CACNA2D3: variants seen among roughly 807,000 people sequenced by gnomAD.
CACNA2D3 encodes voltage-dependent calcium channel subunit alpha-2/delta-3.
A neutral mutation model predicts 160.6 loss-of-function variants in CACNA2D3; 60 were observed. The ratio of observed to expected loss-of-function variants is 0.37; its 90% CI spans 0.30 to 0.46. The LOEUF (loss-of-function observed/expected upper bound fraction) is 0.46, where lower values mean the gene tolerates loss of function less well. Ranked by LOEUF, CACNA2D3 falls within the 20% of genes least tolerant of loss-of-function variation. The probability of loss-of-function intolerance (pLI) is 1.00; values close to 1 mark genes in which losing one functional copy is unlikely to be tolerated. For synonymous variants in CACNA2D3, 558 were observed against 492.9 expected (o/e 1.13, Z -1.75); for missense variants, 1,205 against 1,365.0 (o/e 0.88, Z 1.85).
intron 34 of CACNA2D3, among the ~76,000 whole-genome samples, chr3:55,017,631 C>A (rs1703354275): frequency 6.6e-6 from 1 of 152,144 alleles, no homozygotes; most frequent in Admixed American, 6.5e-5. Context: ...AACTGCCAAG[C>A]CTCTACCGAG....
At chr3:54,820,545 C>G (rs1703568122) in intron 14 of CACNA2D3, among the ~76,000 whole-genome samples, 1 of 152,106 alleles carries the variant, frequency 6.6e-6, no homozygotes, top group Non-Finnish European at 1.5e-5. Flanking sequence ...TGGTGATGAA[C>G]CTGATAAATA....
rs572830179 is a variant in CACNA2D3 at position 54,321,275 on chromosome 3, G to A, written c.321+717G>A. 1.4e-4 allele frequency among the ~76,000 whole-genome samples: 22 copies of A among 151,726 alleles called. No homozygotes were observed. In the South Asian group the frequency reaches 4.0e-3, roughly 27 times the overall value. Reference sequence around the variant, plus strand: ...GCAGAGGTTGCAGTGAGCCAAGATCGCGCCACTGCACTCCAGCCTGGGTGA... The same window carrying A: ...GCAGAGGTTGCAGTGAGCCAAGATCACGCCACTGCACTCCAGCCTGGGTGA... On this transcript the variant is annotated intron_variant, in intron 3 of 37. Coordinates refer to ENST00000474759, the MANE Select transcript of CACNA2D3 (RefSeq NM_018398.3).
At chr3:54,127,814 G>A (rs1355331449) in intron 2 of CACNA2D3, among the ~76,000 whole-genome samples, 3 of 152,158 alleles carry the variant, frequency 2.0e-5, no homozygotes, top group Non-Finnish European at 4.4e-5. Flanking sequence ...AAACCAATGA[G>A]CATTCAGTTT....
At chr3:54,157,835 C>CCAAAAA (rs749735814) in intron 2 of CACNA2D3, among the ~76,000 whole-genome samples, 5 of 134,358 alleles carry the variant, frequency 3.7e-5, no homozygotes, top group East Asian at 2.2e-4. Flanking sequence ...CCCAACCAAA[C>CCAAAAA]AAAAAAAAAA....
chr3:54,637,872 G>A (rs1699413447), intron 10 of CACNA2D3: 1 of 152,028 alleles, frequency 6.6e-6, no homozygotes, highest in Admixed American at 6.5e-5. Flanking sequence ...ACACAGATGG[G>A]ACGCGGCTTA....
intron 35 of CACNA2D3, among the ~76,000 whole-genome samples, chr3:55,062,052 CTA>C (rs1704523408): frequency 6.6e-6 from 1 of 152,176 alleles, no homozygotes; most frequent in Admixed American, 6.5e-5. Flanking sequence ...CAACCTTGTA[CTA>C]TATTCTATGA....
intron 11 of CACNA2D3, among the ~76,000 whole-genome samples, chr3:54,690,645 C>G (rs1700554335): frequency 6.6e-6 from 1 of 152,070 alleles, no homozygotes; most frequent in Non-Finnish European, 1.5e-5. Context: ...TCCTTTTATT[C>G]TGGGTGGCCT....
At chr3:54,170,221 G>C (rs1251794734) in intron 2 of CACNA2D3, among the ~76,000 whole-genome samples, 1 of 150,456 alleles carries the variant, frequency 6.6e-6, no homozygotes, top group African/African-American at 2.5e-5. Flanking sequence ...GAGGGGGTAA[G>C]GATGGCCTGG....
intron 2 of CACNA2D3, among the ~76,000 whole-genome samples, chr3:54,186,463 G>GA (rs1700880955): frequency 6.6e-6 from 1 of 152,120 alleles, no homozygotes; most frequent in Non-Finnish European, 1.5e-5. Context: ...AAAGCTGGGT[G>GA]AAAATGATAA....
intron 2 of CACNA2D3, among the ~76,000 whole-genome samples, chr3:54,189,287 A>T (rs1165777339): frequency 6.6e-6 from 1 of 152,214 alleles, no homozygotes; most frequent in African/African-American, 2.4e-5. Flanking sequence ...GAGGCTTCCC[A>T]TGAGACCAGC....
At position 54,549,460 on chromosome 3, in the gene CACNA2D3, CAACA is replaced by C. The variant is rs538345728; in HGVS notation, c.545-13329_545-13326del. 3.7e-3 allele frequency among the ~76,000 whole-genome samples: 561 copies of C among 152,180 alleles called. 5 individuals are homozygous for C. The highest frequency in any genetic ancestry group is 0.013 in the African/African-American group (525 of 41,548). On this transcript the variant is annotated intron_variant, in intron 5 of 37. Coordinates refer to ENST00000474759, the MANE Select transcript of CACNA2D3 (RefSeq NM_018398.3). ...GACTCCGTCTCAAAAACAAAAAAAACAACAAACAAACAAAAAAACAAACAACAAA... is the reference window on the plus strand; with the variant it reads ...GACTCCGTCTCAAAAACAAAAAAAACAACAAACAAAAAAACAAACAACAAA...
chr3:54,622,401 G>A (rs1162992967), intron 9 of CACNA2D3, among the ~76,000 whole-genome samples: 1 of 152,008 alleles, frequency 6.6e-6, no homozygotes, highest in Non-Finnish European at 1.5e-5. Flanking sequence ...TCAGCCTCCC[G>A]AGTAGCTGGG....
intron 35 of CACNA2D3, among the ~76,000 whole-genome samples, chr3:55,036,440 T>A (rs1360356279): frequency 6.6e-6 from 1 of 152,000 alleles, no homozygotes; most frequent in Non-Finnish European, 1.5e-5. Context: ...TGTTTTATTT[T>A]TATTTTTATT....
At chr3:54,895,438 C>T (rs540517790) in intron 25 of CACNA2D3, among the ~76,000 whole-genome samples, 5 of 152,152 alleles carry the variant, frequency 3.3e-5, no homozygotes, top group Non-Finnish European at 7.3e-5. Context: ...CCTCGAAGGG[C>T]ATGGGCCTCC....
chr3:54,230,748 C>A (rs372249371), intron 2 of CACNA2D3, among the ~76,000 whole-genome samples: 3 of 152,172 alleles, frequency 2.0e-5, no homozygotes, highest in African/African-American at 4.8e-5. Context: ...CTAGATATGA[C>A]GTTTTTATTT....
At chr3:54,547,096 G>A (rs1384975948) in intron 5 of CACNA2D3, among the ~76,000 whole-genome samples, 1 of 152,156 alleles carries the variant, frequency 6.6e-6, no homozygotes, top group Non-Finnish European at 1.5e-5. Context: ...CTTCACTGCT[G>A]TTGTTCAACA....
At chr3:55,062,658 G>A (rs1022966763) in intron 35 of CACNA2D3, among the ~76,000 whole-genome samples, 1 of 152,160 alleles carries the variant, frequency 6.6e-6, no homozygotes, top group African/African-American at 2.4e-5. Context: ...TGTAGAATTG[G>A]AGGCGTCTGT....
intron 4 of CACNA2D3, among the ~76,000 whole-genome samples, chr3:54,499,012 G>A (rs1701246626): frequency 6.6e-6 from 1 of 151,984 alleles, no homozygotes; most frequent in South Asian, 2.1e-4. Flanking sequence ...CATTTTAAAT[G>A]TATTGAGACT....
At chr3:54,707,788 C>T (rs372378512) in intron 11 of CACNA2D3, among the ~76,000 whole-genome samples, 1 of 152,186 alleles carries the variant, frequency 6.6e-6, no homozygotes, top group African/African-American at 2.4e-5. Context: ...GGGGAAATGA[C>T]GGCCTGAGTT....
Sources: allele counts gnomAD v4.1 joint callset (sites outside exome capture counted in the v4.1 genomes callset), GRCh38; gene constraint gnomAD v4.1.1; transcripts MANE v1.5; gene names NCBI Gene and HGNC (gene_info 2026-07-23, HGNC 2026-07-21).